The following GPR63 variants were observed in gnomAD, a reference collection of about 807,000 sequenced individuals.
The protein encoded by GPR63 is probable G protein-coupled receptor 63.
A neutral mutation model predicts 23.1 loss-of-function variants in GPR63; 12 were observed. That is an observed-to-expected ratio of 0.52 (90% CI 0.33 to 0.84). The LOEUF (loss-of-function observed/expected upper bound fraction) is 0.84. GPR63 is among the 40% of genes least tolerant of loss of function. The probability of loss-of-function intolerance (pLI) is 0.02; values close to 1 mark genes in which losing one functional copy is unlikely to be tolerated. For synonymous variants in GPR63, 172 were observed against 191.1 expected, an observed-to-expected ratio of 0.90 and a Z score of 0.82; for missense variants, 472 against 515.6, an observed-to-expected ratio of 0.92 and a Z score of 0.82.
At chr6:96,827,027 A>C (rs1316388675) in intron 1 of GPR63, among the ~76,000 whole-genome samples, 1 of 149,244 alleles carries the variant, frequency 6.7e-6, no homozygotes, top group African/African-American at 2.5e-5. Flanking sequence ...ACAAAGTTCC[A>C]AGGCAAGTGA....
chr6:96,821,961 A>G (rs1434490463), intron 1 of GPR63, among the ~76,000 whole-genome samples: 1 of 152,064 alleles, frequency 6.6e-6, no homozygotes, highest in Non-Finnish European at 1.5e-5. Context: ...AATTTCATAG[A>G]ACGTAGAATC....
At position 96,798,990 on chromosome 6, in the gene GPR63, G is replaced by A. The variant is rs1327463506; in HGVS notation, c.742C>T (p.Leu248Phe). Reference sequence around the variant, plus strand: ...AGGAAGGGTATGAAGAAAGAAATGAGAGAAATCAAAATCACATAAGCCTGG... The same window carrying A: ...AGGAAGGGTATGAAGAAAGAAATGAAAGAAATCAAAATCACATAAGCCTGG... Reference protein sequence around the residue: ...GYQAYVILISLISFFIPFLVI... With the variant: ...GYQAYVILISFISFFIPFLVI... Residue 248 changes from leucine to phenylalanine, a missense_variant, in exon 2 of 2, where the codon CTC becomes TTC. Leu to Phe is a conservative substitution (Grantham distance 22, BLOSUM62 0). Transcript: ENST00000229955. 1 of 1,614,120 alleles carries A rather than the reference G, an allele frequency of 6.2e-7. No individual in the cohort carries two copies. Among genetic ancestry groups the A allele is most frequent in the South Asian group, 1.1e-5 (1 of 91,082 alleles).
chr6:96,798,421 C>A lies in GPR63; in HGVS notation c.*51G>T. On this transcript the variant is annotated 3_prime_UTR_variant, in exon 2 of 2. Coordinates refer to ENST00000229955, the MANE Select transcript of GPR63 (RefSeq NM_030784.4). The stretch of plus-strand genomic sequence containing the variant: ...TGGAGAGGCTATGAGAAAGAGAATT[C>A]AATGTCAATAAAGAACAAGCATCAC... 1 of 1,567,096 alleles carries A rather than the reference C, an allele frequency of 6.4e-7. No individual in the cohort carries two copies. The highest frequency in any genetic ancestry group is 1.2e-5 in the South Asian group (1 of 84,184).
chr6:96,817,348 T>A (rs1038334178), intron 1 of GPR63, among the ~76,000 whole-genome samples: 9 of 151,354 alleles, frequency 5.9e-5, no homozygotes, highest in African/African-American at 1.9e-4. Context: ...AAGTTGAAAA[T>A]ATATATATAT....
chr6:96,833,384 A>G (rs1774640919), intron 1 of GPR63, among the ~76,000 whole-genome samples: 1 of 152,208 alleles, frequency 6.6e-6, no homozygotes, highest in African/African-American at 2.4e-5. Flanking sequence ...TCTTACTCTG[A>G]TCTAAACTTC....
At chr6:96,830,717 T>C (rs540645984) in intron 1 of GPR63, among the ~76,000 whole-genome samples, 3 of 152,326 alleles carry the variant, frequency 2.0e-5, no homozygotes, top group African/African-American at 7.2e-5. Flanking sequence ...ACTTGGAACA[T>C]GTTTAATGGC....
chr6:96,809,997 A>G (rs955317962), intron 1 of GPR63, among the ~76,000 whole-genome samples: 2 of 152,210 alleles, frequency 1.3e-5, no homozygotes, highest in East Asian at 3.8e-4. Flanking sequence ...CAATATCTCT[A>G]TTATAGCCTA....
At chr6:96,836,614 A>T (rs1354690670) in intron 1 of GPR63, among the ~76,000 whole-genome samples, 1 of 151,514 alleles carries the variant, frequency 6.6e-6, no homozygotes, top group Non-Finnish European at 1.5e-5. Context: ...TTTTTTAAGC[A>T]CTCTGAGCCT....
chr6:96,834,958 A>G (rs1774686344), intron 1 of GPR63, among the ~76,000 whole-genome samples: 1 of 152,206 alleles, frequency 6.6e-6, no homozygotes, highest in East Asian at 1.9e-4. Flanking sequence ...ATCTATGAAG[A>G]ATGTCCTAAA....
chr6:96,799,228 T>G lies in GPR63; in HGVS notation c.504A>C (p.Gly168=). ...TGCTAATGATGAGCAGGATGGCTAC[T>G]CCTTCTATCACAAATAACCAGAAAA... ...AMFFWLFVIE[G]VAILLIISID... is the part of the protein sequence containing the mutation. The change falls in exon 2 of 2, where the codon GGA becomes GGC. Residue 168 remains glycine (G), a synonymous_variant. Coordinates refer to ENST00000229955, the MANE Select transcript of GPR63 (RefSeq NM_030784.4). The G allele has an allele frequency of 6.2e-7, 1 of 1,614,148 alleles. No homozygotes were observed. Among genetic ancestry groups the G allele is most frequent in the Non-Finnish European group, 8.5e-7 (1 of 1,180,022 alleles).
chr6:96,799,974 G>T, intron 1 of GPR63, 93 bp from the exon 2 acceptor site: 1 of 533,384 alleles, frequency 1.9e-6, no homozygotes, highest in Non-Finnish European at 3.5e-6. Context: ...TGAAGGATCA[G>T]TTTTGCTCTT....
chr6:96,801,492 C>T (rs1358002853), intron 1 of GPR63, among the ~76,000 whole-genome samples: 1 of 152,190 alleles, frequency 6.6e-6, no homozygotes, highest in Non-Finnish European at 1.5e-5. Flanking sequence ...AGCCACTGCA[C>T]CCAGCCTAGT....
chr6:96,813,754 C>T (rs547154917), intron 1 of GPR63, among the ~76,000 whole-genome samples: 1 of 152,262 alleles, frequency 6.6e-6, no homozygotes, highest in South Asian at 2.1e-4. Context: ...AGTCTTTAGT[C>T]TCCCCTACAA....
chr6:96,825,100 A>G (rs993190884), intron 1 of GPR63, among the ~76,000 whole-genome samples: 2 of 152,126 alleles, frequency 1.3e-5, no homozygotes, highest in African/African-American at 4.8e-5. Flanking sequence ...CTCATGCTCA[A>G]TCCTCATTTT....
intron 1 of GPR63, among the ~76,000 whole-genome samples, chr6:96,805,552 T>C (rs1353773367): frequency 6.6e-6 from 1 of 152,188 alleles, no homozygotes; most frequent in East Asian, 1.9e-4. Context: ...AATCACATGA[T>C]TAATGAAGTT....
In GPR63 at chr6:96,799,552, G is replaced by C; in HGVS notation, c.180C>G (p.Thr60=). ...TTGTGGGCACAGCTGTACTATTCAC[G>C]GTCAAGGAACTCAAACCAGTGGGAG... is the stretch of plus-strand genomic sequence containing the variant. ...TMAPTGLSSL[T]VNSTAVPTTP... Residue 60 remains threonine, a synonymous_variant, in exon 2 of 2, where the codon ACC becomes ACG. Coordinates refer to ENST00000229955, the MANE Select transcript of GPR63 (RefSeq NM_030784.4). 2 of 1,614,074 alleles carry C rather than the reference G, an allele frequency of 1.2e-6. No individual in the cohort carries two copies. The highest frequency in any genetic ancestry group is 1.7e-6 in the Non-Finnish European group (2 of 1,180,012).
chr6:96,815,076 A>T (rs1232852584), intron 1 of GPR63, among the ~76,000 whole-genome samples: 2 of 152,210 alleles, frequency 1.3e-5, no homozygotes, highest in African/African-American at 4.8e-5. Flanking sequence ...ATGCTTTAGA[A>T]CTCTGAAATC....
intron 1 of GPR63, among the ~76,000 whole-genome samples, chr6:96,800,723 T>C (rs1337470994): frequency 1.3e-5 from 2 of 152,194 alleles, no homozygotes; most frequent in East Asian, 1.9e-4. Context: ...TTTTCTGATA[T>C]GTATACATCT....
chr6:96,816,692 T>G (rs1249473062), intron 1 of GPR63, among the ~76,000 whole-genome samples: 1 of 152,154 alleles, frequency 6.6e-6, no homozygotes, highest in Admixed American at 6.5e-5. Flanking sequence ...GCCTGCAAAG[T>G]GGCAGCTGAA....
Sources: gnomAD v4.1 joint callset for allele counts (sites outside exome capture counted in the v4.1 genomes callset) on GRCh38, gnomAD v4.1.1 for gene constraint, MANE v1.5 for transcripts, NCBI Gene and HGNC (gene_info 2026-07-23, HGNC 2026-07-21) for gene names.